Variants in STRBP observed in about 807,000 individuals in gnomAD.
STRBP encodes spermatid perinuclear RNA binding protein, also known as spermatid perinuclear RNA-binding protein.
In STRBP, 13 loss-of-function variants were observed where a neutral mutation model predicts 80.1. That is an observed-to-expected ratio of 0.16 (90% CI 0.11 to 0.26). The LOEUF is 0.26. STRBP is among the 10% of genes least tolerant of loss of function. STRBP has a pLI of 1.00. For synonymous variants in STRBP, 284 were observed against 291.2 expected (o/e 0.98, Z 0.25); for missense variants, 485 against 815.2 (o/e 0.59, Z 4.93).
Position 123,115,743 on chromosome 9 carries a change from C to A in STRBP, c.*84+186G>T. 1 of 336,948 alleles carries A rather than the reference C, an allele frequency of 3.0e-6. No individual in the cohort carries two copies. The highest frequency in any genetic ancestry group is 5.8e-6 in the Non-Finnish European group (1 of 171,250). 20.9% of individuals were successfully genotyped at this position (336,948 alleles called of 1,614,324 possible). The stretch of plus-strand genomic sequence containing the variant: ...CAGCATTTCCTCTTTGCCGTCCACA[C>A]AACCGGCTTCTTGCTTGAACATGCT... On this transcript the variant is annotated intron_variant and NMD_transcript_variant, in intron 3 of 3. Transcript: ENST00000471564. The surrounding 1 kb of genome is among the most constrained non-coding windows in gnomAD (Gnocchi z 5.0).
chr9:123,147,629 G>A (rs1461214619), intron 12 of STRBP, 149 bp downstream of exon 12: 1 of 582,520 alleles, frequency 1.7e-6, no homozygotes, highest in Non-Finnish European at 2.8e-6. Flanking sequence ...AGTGAGCCGA[G>A]ATCGCGCCAC....
chr9:123,109,597 G>A (rs1233319465), exon 4 of STRBP: 2 of 152,278 alleles, frequency 1.3e-5, no homozygotes, highest in Non-Finnish European at 2.9e-5. Flanking sequence ...AAGAGGGTCA[G>A]TCTATGGCAG....
chr9:123,200,392 C>T (rs976742989), intron 2 of STRBP, among the ~76,000 whole-genome samples: 1 of 151,938 alleles, frequency 6.6e-6, no homozygotes, highest in South Asian at 2.1e-4. Flanking sequence ...TTTGTTGTGT[C>T]CTTTCCTAGT....
At chr9:123,140,008 C>T (rs542255595) in intron 13 of STRBP, among the ~76,000 whole-genome samples, 34 of 152,082 alleles carry the variant, frequency 2.2e-4, no homozygotes, top group Non-Finnish European at 2.5e-4. Flanking sequence ...TAGGTTCAAA[C>T]CAATAGGATA....
chr9:123,207,963 T>C (rs1204166034), intron 2 of STRBP, among the ~76,000 whole-genome samples: 1 of 152,202 alleles, frequency 6.6e-6, no homozygotes, highest in Admixed American at 6.5e-5. Flanking sequence ...GTAAGATACG[T>C]AGAAACAAAA....
rs759358555 is a variant in STRBP, at chr9:123,126,660, G to A, written c.1943-987C>T. Among the ~76,000 whole-genome samples the A allele has an allele frequency of 2.0e-5, 3 of 152,132 alleles. No homozygotes were observed. Among genetic ancestry groups the A allele is most frequent in the Admixed American group, 2.0e-4 (3 of 15,274 alleles). On this transcript the variant is annotated intron_variant, in intron 18 of 18. Coordinates refer to ENST00000348403, the MANE Select transcript of STRBP (RefSeq NM_018387.5). This position sits in a 1 kb window ranked among gnomAD's most constrained non-coding sequence, Gnocchi z 4.4. ...TTAAAGTATTTTCAAAGGAAAAATC[G>A]AGCTCTAGCAAACCTTTACTGAAGA...
chr9:123,147,548 G>A (rs946358076), intron 12 of STRBP, among the ~76,000 whole-genome samples: 4 of 151,704 alleles, frequency 2.6e-5, no homozygotes, highest in Admixed American at 1.3e-4. Context: ...GTGGTGGCAC[G>A]CACCTGTGAT....
intron 3 of STRBP, 35 bp from the exon 4 acceptor site, chr9:123,179,262 A>C (rs1235988390): frequency 6.5e-7 from 1 of 1,548,640 alleles, no homozygotes; most frequent in Admixed American, 1.7e-5. Flanking sequence ...TTACTTCAAC[A>C]AAAGAAACAT....
At chr9:123,244,284 T>C (rs1438914573) in intron 1 of STRBP, among the ~76,000 whole-genome samples, 1 of 152,162 alleles carries the variant, frequency 6.6e-6, no homozygotes. Flanking sequence ...AAAGGATCAG[T>C]GGTTGCCACG....
At chr9:123,248,644 A>G (rs2040851186) in intron 1 of STRBP, among the ~76,000 whole-genome samples, 1 of 152,202 alleles carries the variant, frequency 6.6e-6, no homozygotes, top group Non-Finnish European at 1.5e-5. Flanking sequence ...ATAGGGTAAC[A>G]ATGTGAGAAT....
intron 2 of STRBP, among the ~76,000 whole-genome samples, chr9:123,193,826 T>C (rs746616136): frequency 1.3e-5 from 2 of 152,144 alleles, no homozygotes; most frequent in African/African-American, 2.4e-5. Flanking sequence ...CTAACCCTGT[T>C]AAATCCAAGC....
At chr9:123,129,545 G>A (rs1469832323) in intron 17 of STRBP, among the ~76,000 whole-genome samples, 1 of 152,038 alleles carries the variant, frequency 6.6e-6, no homozygotes, top group African/African-American at 2.4e-5. Context: ...TCCTTCTCTG[G>A]ATGACCAACT....
chr9:123,169,860 CAACA>C, intron 6 of STRBP, 38 bp downstream of exon 6: 5 of 1,134,598 alleles, frequency 4.4e-6, no homozygotes, highest in South Asian at 6.9e-5. Context: ...CAAACAACAA[CAACA>C]AATATATACA....
At chr9:123,231,351 C>A (rs1168550684) in intron 2 of STRBP, among the ~76,000 whole-genome samples, 1 of 152,212 alleles carries the variant, frequency 6.6e-6, no homozygotes, top group African/African-American at 2.4e-5. Flanking sequence ...AAGTCAGTAT[C>A]TTCTTTCCCA....
At chr9:123,229,481 G>T (rs1354381464) in intron 2 of STRBP, among the ~76,000 whole-genome samples, 6 of 152,192 alleles carry the variant, frequency 3.9e-5, no homozygotes, top group African/African-American at 1.4e-4. Context: ...GTGGGATCAA[G>T]TATTTTTAAC....
At chr9:123,166,505 G>C (rs911040744) in intron 6 of STRBP, among the ~76,000 whole-genome samples, 2 of 152,304 alleles carry the variant, frequency 1.3e-5, no homozygotes, top group South Asian at 4.1e-4. Flanking sequence ...CTCACACCTA[G>C]CAGTTTGGGA....
chr9:123,178,968 C>T, intron 4 of STRBP, 39 bp downstream of exon 4: 1 of 1,587,762 alleles, frequency 6.3e-7, no homozygotes, highest in Non-Finnish European at 8.6e-7. Context: ...CTTTGCTGTG[C>T]ACTCTAGCAC....
intron 1 of STRBP, among the ~76,000 whole-genome samples, chr9:123,252,289 C>G (rs893004991): frequency 4.6e-5 from 7 of 152,208 alleles, no homozygotes. Flanking sequence ...ACACAATTCA[C>G]TATGTGCCAG....
chr9:123,177,226 A>C (rs1214072379), intron 4 of STRBP, among the ~76,000 whole-genome samples: 1 of 152,210 alleles, frequency 6.6e-6, no homozygotes. Context: ...CTGTTCCACA[A>C]AACGGAAAGA....
Sources: allele counts gnomAD v4.1 joint callset (sites outside exome capture counted in the v4.1 genomes callset), GRCh38; gene constraint gnomAD v4.1.1; non-coding constraint Gnocchi (gnomAD v3.1); transcripts MANE v1.5; gene names NCBI Gene and HGNC (gene_info 2026-07-23, HGNC 2026-07-21).